The following CLPTM1L variants were observed in gnomAD, a reference collection of about 807,000 sequenced individuals.
CLPTM1L encodes the protein lipid scramblase CLPTM1L.
A neutral mutation model predicts 70.9 loss-of-function variants in CLPTM1L; 38 were observed. The observed-to-expected ratio is 0.54, with a 90% CI of 0.41 to 0.70. The LOEUF (loss-of-function observed/expected upper bound fraction) is 0.70. Ranked by LOEUF, CLPTM1L falls within the 30% of genes least tolerant of loss-of-function variation. The probability of loss-of-function intolerance (pLI) is 0.00; values close to 1 mark genes in which losing one functional copy is unlikely to be tolerated. For synonymous variants in CLPTM1L, 339 were observed against 299.9 expected, an observed-to-expected ratio of 1.13 and a Z score of -1.35; for missense variants, 652 against 705.9, an observed-to-expected ratio of 0.92 and a Z score of 0.87.
Position 1,330,031 on chromosome 5 carries a change from G to A in CLPTM1L, c.1080+249C>T, listed in dbSNP as rs182231595. Among the ~76,000 whole-genome samples the A allele has an allele frequency of 7.2e-3, 1,080 of 150,654 alleles. 12 individuals are homozygous for A. The highest frequency in any genetic ancestry group is 0.025 in the African/African-American group (1,020 of 40,814). On this transcript the variant is annotated intron_variant, in intron 9 of 16. Coordinates refer to ENST00000320895, the MANE Select transcript of CLPTM1L (RefSeq NM_030782.5). ...ATCTGCTTGGTGGACAGGGCCTCAGGACTCACCACTGCTTGGTGGACAGAG... is the reference window on the plus strand; with the variant it reads ...ATCTGCTTGGTGGACAGGGCCTCAGAACTCACCACTGCTTGGTGGACAGAG...
intron 7 of CLPTM1L, among the ~76,000 whole-genome samples, chr5:1,333,436 G>A (rs1261671601): frequency 2.1e-5 from 3 of 145,138 alleles, no homozygotes; most frequent in Middle Eastern, 3.9e-3. Context: ...GGATAAGGGG[G>A]GACTACTGTA....
At chr5:1,331,643 G>A in intron 8 of CLPTM1L, 156 bp downstream of exon 8, 6 of 653,472 alleles carry the variant, frequency 9.2e-6, no homozygotes, top group Non-Finnish European at 1.3e-5. Context: ...GGCTCCCTGG[G>A]CTTTACGGTG....
At chr5:1,332,014 G>T in intron 7 of CLPTM1L, 131 bp from the exon 8 acceptor site, 2 of 736,444 alleles carry the variant, frequency 2.7e-6, no homozygotes, top group Non-Finnish European at 4.7e-6. Context: ...CAGGATAAGT[G>T]TCTACACTCG....
At chr5:1,333,053 C>T (rs62329701) in intron 7 of CLPTM1L, among the ~76,000 whole-genome samples, 9 of 72,848 alleles carry the variant, frequency 1.2e-4, no homozygotes, top group South Asian at 5.2e-4. Flanking sequence ...GTATACACAC[C>T]GGATGAGGAT....
chr5:1,325,211 C>G (rs890406432), intron 10 of CLPTM1L: 7 of 275,286 alleles, frequency 2.5e-5, no homozygotes, highest in East Asian at 1.5e-4. Flanking sequence ...GCTTCCTGAC[C>G]CCCCTGCCCA....
rs894932368 is a variant in CLPTM1L, at chr5:1,318,486, C to G, written c.1533-33G>C. On this transcript the variant is annotated intron_variant, in intron 16 of 16. Coordinates refer to ENST00000320895, the MANE Select transcript of CLPTM1L (RefSeq NM_030782.5). This position sits in a 1 kb window ranked among gnomAD's most constrained non-coding sequence, Gnocchi z 8.9. ...GACACAAATGAGCACATCAGCAAACCCCACTGCAGGGGCTATTTTTCTAAG... is the reference window on the plus strand; with the variant it reads ...GACACAAATGAGCACATCAGCAAACGCCACTGCAGGGGCTATTTTTCTAAG... 6.4e-7 allele frequency: 1 copy of G among 1,563,284 alleles called. No individual in the cohort carries two copies. Among genetic ancestry groups the G allele is most frequent in the Admixed American group, 1.7e-5 (1 of 59,200 alleles).
intron 7 of CLPTM1L, among the ~76,000 whole-genome samples, chr5:1,333,644 A>G (rs1753323183): frequency 2.5e-5 from 2 of 80,742 alleles, no homozygotes; most frequent in Admixed American, 3.9e-4. Context: ...GATAAGGGGG[A>G]CTACTGTATA....
intron 9 of CLPTM1L, among the ~76,000 whole-genome samples, chr5:1,327,429 T>C (rs1489891184): frequency 0.26 from 10,475 of 39,836 alleles, 4 homozygotes; most frequent in Middle Eastern, 0.32. Context: ...TCTACAGACA[T>C]ATTTCATCCA....
chr5:1,342,506 C>T lies in CLPTM1L; in HGVS notation c.264-646G>A, dbSNP rs1383195747. Among the ~76,000 whole-genome samples, 3 of 152,242 alleles carry T rather than the reference C, an allele frequency of 2.0e-5. No individual in the cohort carries two copies. Among genetic ancestry groups the T allele is most frequent in the Non-Finnish European group, 2.9e-5 (2 of 68,040 alleles). ...CCAGGTGCCTGGCTCTTCACCCGCACACCAGGGCCCGACGTCCATACTACA... is the reference window on the plus strand; with the variant it reads ...CCAGGTGCCTGGCTCTTCACCCGCATACCAGGGCCCGACGTCCATACTACA... On this transcript the variant is annotated intron_variant, in intron 2 of 16. Coordinates refer to ENST00000320895, the MANE Select transcript of CLPTM1L (RefSeq NM_030782.5). This position sits in a 1 kb window ranked among gnomAD's most constrained non-coding sequence, Gnocchi z 4.3.
rs1032014230 is a variant in CLPTM1L, at chr5:1,342,455, G to A, written c.264-595C>T. Among the ~76,000 whole-genome samples, 2 of 152,170 alleles carry A rather than the reference G, an allele frequency of 1.3e-5. No individual in the cohort carries two copies. Among genetic ancestry groups the A allele is most frequent in the Admixed American group, 6.5e-5 (1 of 15,276 alleles). On this transcript the variant is annotated intron_variant, in intron 2 of 16. Coordinates refer to ENST00000320895, the MANE Select transcript of CLPTM1L (RefSeq NM_030782.5). This position sits in a 1 kb window ranked among gnomAD's most constrained non-coding sequence, Gnocchi z 4.3. ...AGCACGAGCTGAGGAAAGGCCCGGC[G>A]AGCTGCTACAACTGTAGGCCTCGGA...
chr5:1,331,904 A>C, intron 7 of CLPTM1L, 21 bp from the exon 8 acceptor site: 1 of 1,590,544 alleles, frequency 6.3e-7, no homozygotes, highest in South Asian at 1.1e-5. Context: ...CACACACGAC[A>C]GCAACTCACA....
At position 1,331,570 on chromosome 5, in the gene CLPTM1L, T is replaced by C. The variant is rs62329699; in HGVS notation, c.976+229A>G. The C allele has an allele frequency of 3.2e-5, 13 of 401,304 alleles. No homozygotes were observed. The East Asian group carries it at 3.8e-4, about 12-fold the overall frequency. The allele number at this position is 401,304 out of a possible 1,614,324, so 24.9% of individuals were successfully genotyped here. On this transcript the variant is annotated intron_variant, in intron 8 of 16. Transcript: ENST00000320895. ...CAGAGTCCGCAGCCAGGCCCTGAGC[T>C]GTGCAGCCGCTGGAGGCCCTGAGCC...
chr5:1,320,407 G>A (rs1033369946), intron 16 of CLPTM1L: 7 of 455,506 alleles, frequency 1.5e-5, no homozygotes, highest in Non-Finnish European at 2.7e-5. Flanking sequence ...GCACAGTGAG[G>A]AGACAGAGCT....
intron 1 of CLPTM1L, 59 bp downstream of exon 1, chr5:1,344,621 G>A (rs1754160041): frequency 6.6e-7 from 1 of 1,520,932 alleles, no homozygotes; most frequent in Non-Finnish European, 8.9e-7. Flanking sequence ...CGACGTCTGG[G>A]GCCTGGAGGA....
chr5:1,334,233 C>T (rs1193439316), intron 7 of CLPTM1L, 56 bp downstream of exon 7: 11 of 1,343,480 alleles, frequency 8.2e-6, no homozygotes, highest in African/African-American at 4.4e-5. Context: ...GCAGGAGGCC[C>T]GGGGCCCAGG....
Position 1,337,789 on chromosome 5 carries a change from G to A in CLPTM1L, c.678+115C>T, listed in dbSNP as rs1352789868. 4 of 837,720 alleles carry A rather than the reference G, an allele frequency of 4.8e-6. No individual in the cohort carries two copies. The African/African-American group carries it at 5.0e-5, about 11-fold the overall frequency. 51.9% of individuals were successfully genotyped at this position (837,720 alleles called of 1,614,324 possible). The stretch of plus-strand genomic sequence containing the variant: ...GCAGTGCTTCCCAGCACGGGTAAAA[G>A]CACCGTGTCAAATGTCAGCAATGGC... On this transcript the variant is annotated intron_variant, in intron 5 of 16. Transcript: ENST00000320895.
At chr5:1,341,638 A>G (rs371050709) in intron 3 of CLPTM1L, 33 bp downstream of exon 3, 3 of 1,559,050 alleles carry the variant, frequency 1.9e-6, no homozygotes, top group African/African-American at 2.7e-5. Flanking sequence ...GGAGAGGCAC[A>G]GCCTGTTATC....
chr5:1,324,885 G>C, intron 10 of CLPTM1L, 72 bp from the exon 11 acceptor site: 1 of 1,407,872 alleles, frequency 7.1e-7, no homozygotes, highest in Non-Finnish European at 1.0e-6. Context: ...CTGTGACTAA[G>C]GGGCGTCACA....
intron 6 of CLPTM1L, among the ~76,000 whole-genome samples, chr5:1,334,704 A>T (rs756465464): frequency 1.3e-5 from 2 of 152,188 alleles, no homozygotes; most frequent in Non-Finnish European, 2.9e-5. Context: ...CAGTAACCAG[A>T]GATTGTGCCA....
Sources: allele counts gnomAD v4.1 joint callset (sites outside exome capture counted in the v4.1 genomes callset), GRCh38; gene constraint gnomAD v4.1.1; non-coding constraint Gnocchi (gnomAD v3.1); transcripts MANE v1.5; gene names NCBI Gene and HGNC (gene_info 2026-07-23, HGNC 2026-07-21).